The following NREP variants were observed in gnomAD, a reference collection of about 807,000 sequenced individuals.
NREP encodes the protein neuronal regeneration-related protein.
In NREP, 5 loss-of-function variants were observed where a neutral mutation model predicts 8.6. The ratio of observed to expected loss-of-function variants is 0.58; its 90% CI spans 0.30 to 1.22. The LOEUF (loss-of-function observed/expected upper bound fraction) is 1.22. Ranked by LOEUF, NREP falls within the 50% of genes most tolerant of loss-of-function variation. The pLI, the probability that NREP is intolerant of heterozygous loss-of-function variation, is 0.07. For missense variants in NREP, 86 were observed against 82.5 expected, an observed-to-expected ratio of 1.04 and a Z score of -0.17; for synonymous variants, 27 against 28.0, an observed-to-expected ratio of 0.96 and a Z score of 0.11.
At chr5:111,797,128 T>G (rs1290729171) in intron 2 of NREP, among the ~76,000 whole-genome samples, 1 of 151,926 alleles carries the variant, frequency 6.6e-6, no homozygotes, top group Non-Finnish European at 1.5e-5. Context: ...AAAACATCAC[T>G]GGTAGCAAAT....
At chr5:111,975,760 A>G (rs372881796) in intron 1 of NREP, among the ~76,000 whole-genome samples, 1 of 152,340 alleles carries the variant, frequency 6.6e-6, no homozygotes, top group South Asian at 2.1e-4. Context: ...ACAAATGCTT[A>G]AAACCTGACA....
chr5:111,963,528 C>T (rs1480392569), intron 2 of NREP, among the ~76,000 whole-genome samples: 1 of 152,206 alleles, frequency 6.6e-6, no homozygotes, highest in Non-Finnish European at 1.5e-5. Context: ...TGAGACTAAA[C>T]TTCTCCCTGA....
intron 2 of NREP, among the ~76,000 whole-genome samples, chr5:111,946,688 T>G (rs2112626449): frequency 6.6e-6 from 1 of 152,078 alleles, no homozygotes; most frequent in Middle Eastern, 3.4e-3. Flanking sequence ...GGGCATTGAA[T>G]TTCCTCTTTA....
chr5:111,906,900 GT>G (rs947536308), intron 2 of NREP, among the ~76,000 whole-genome samples: 1 of 151,686 alleles, frequency 6.6e-6, no homozygotes, highest in Non-Finnish European at 1.5e-5. Context: ...TCTATAGTTT[GT>G]TTTTTATTAT....
chr5:111,849,904 T>C (rs188592521), intron 2 of NREP, among the ~76,000 whole-genome samples: 1 of 152,248 alleles, frequency 6.6e-6, no homozygotes, highest in African/African-American at 2.4e-5. Context: ...GGAATTACCT[T>C]AGACTATGAG....
chr5:111,849,781 T>C (rs1159540295), intron 2 of NREP, among the ~76,000 whole-genome samples: 1 of 152,134 alleles, frequency 6.6e-6, no homozygotes, highest in East Asian at 1.9e-4. Flanking sequence ...TGTAGCTAGG[T>C]GTGGCCATGG....
At chr5:111,744,860 C>A (rs758769090) in intron 2 of NREP, among the ~76,000 whole-genome samples, 11 of 152,140 alleles carry the variant, frequency 7.2e-5, no homozygotes, top group Non-Finnish European at 1.5e-4. Flanking sequence ...GGCTTTCATT[C>A]CAAATTCTGA....
rs529413735 is a variant in NREP, at chr5:111,957,943, T to C, written c.135+17331A>G. 5.3e-5 allele frequency among the ~76,000 whole-genome samples: 8 copies of C among 151,862 alleles called. No individual in the cohort carries two copies. In the East Asian group the frequency reaches 1.2e-3, roughly 22 times the overall value. Reference sequence around the variant, plus strand: ...CTCAATAGATTAACGATGAACTTGATAAAAATGCAACAATACCCATTCATG... The same window carrying C: ...CTCAATAGATTAACGATGAACTTGACAAAAATGCAACAATACCCATTCATG... On this transcript the variant is annotated intron_variant, in intron 2 of 3. Transcript: ENST00000395634.
chr5:111,932,629 A>T (rs1413785118), intron 2 of NREP, among the ~76,000 whole-genome samples: 1 of 152,086 alleles, frequency 6.6e-6, no homozygotes, highest in Non-Finnish European at 1.5e-5. Flanking sequence ...TAAAATGTTT[A>T]TTTTATTACT....
intron 2 of NREP, among the ~76,000 whole-genome samples, chr5:111,840,509 G>C (rs62371587): frequency 0.03 from 4,622 of 152,170 alleles, 116 homozygotes; most frequent in Non-Finnish European, 0.044. Flanking sequence ...ATTAGAGACT[G>C]TAGTTAAGTT....
chr5:111,864,669 G>A (rs1056822184), intron 2 of NREP, among the ~76,000 whole-genome samples: 18 of 152,040 alleles, frequency 1.2e-4, no homozygotes, highest in African/African-American at 3.9e-4. Flanking sequence ...ACAAAGAAAT[G>A]AGTCCAAATG....
intron 2 of NREP, among the ~76,000 whole-genome samples, chr5:111,921,304 A>C (rs1755232631): frequency 6.6e-6 from 1 of 152,048 alleles, no homozygotes; most frequent in African/African-American, 2.4e-5. Context: ...GTCGATCTAG[A>C]GGTCCTCAGG....
intron 2 of NREP, among the ~76,000 whole-genome samples, chr5:111,814,178 C>G (rs1462563911): frequency 6.6e-6 from 1 of 152,030 alleles, no homozygotes; most frequent in African/African-American, 2.4e-5. Flanking sequence ...TTCAGTTATG[C>G]AAATATAATG....
upstream of NREP, among the ~76,000 whole-genome samples, chr5:111,762,279 A>C (rs369663576): frequency 1.4e-4 from 21 of 152,288 alleles, no homozygotes; most frequent in East Asian, 1.2e-3. Flanking sequence ...TACAGGAAGA[A>C]AAGTGTCTAT....
At chr5:111,936,968 A>G (rs1292134839) in intron 2 of NREP, among the ~76,000 whole-genome samples, 2 of 152,028 alleles carry the variant, frequency 1.3e-5, no homozygotes, top group East Asian at 3.9e-4. Context: ...GGCTCTCCTA[A>G]GGCCCCCAGA....
At chr5:111,768,461 C>T (rs1308346677) in intron 2 of NREP, among the ~76,000 whole-genome samples, 1 of 152,136 alleles carries the variant, frequency 6.6e-6, no homozygotes, top group Admixed American at 6.5e-5. Context: ...ATGATCCTGC[C>T]ACACAGGTAA....
intron 2 of NREP, among the ~76,000 whole-genome samples, chr5:111,825,532 T>C (rs1040733965): frequency 6.6e-6 from 1 of 152,200 alleles, no homozygotes; most frequent in Non-Finnish European, 1.5e-5. Flanking sequence ...GAATTCTTGA[T>C]TACCAAGAAC....
chr5:111,813,224 G>C (rs1164278587), intron 2 of NREP, among the ~76,000 whole-genome samples: 2 of 152,148 alleles, frequency 1.3e-5, no homozygotes, highest in Admixed American at 6.5e-5. Context: ...GCTTCTTGAT[G>C]GTGATTTCAT....
intron 2 of NREP, among the ~76,000 whole-genome samples, chr5:111,958,183 A>G (rs183038511): frequency 5.5e-4 from 83 of 151,754 alleles, no homozygotes; most frequent in African/African-American, 1.9e-3. Context: ...AATGTGATAT[A>G]TTCTATTTTA....
Sources: gnomAD v4.1 joint callset for allele counts (sites outside exome capture counted in the v4.1 genomes callset) on GRCh38, gnomAD v4.1.1 for gene constraint, MANE v1.5 for transcripts, NCBI Gene and HGNC (gene_info 2026-07-23, HGNC 2026-07-21) for gene names.